Variants in PPAN observed in about 807,000 individuals in gnomAD.
PPAN encodes suppressor of SWI4 1 homolog.
Under a neutral mutation model 48.5 loss-of-function variants are expected in PPAN, and 39 were observed. The ratio of observed to expected loss-of-function variants is 0.80; its 90% confidence interval spans 0.62 to 1.05. The LOEUF (loss-of-function observed/expected upper bound fraction) is 1.05. Among genes scored for constraint, PPAN ranks in the 50% least tolerant of loss-of-function variants. PPAN has a pLI of 0.00. For missense variants in PPAN, 736 were observed against 661.7 expected (o/e 1.11, Z -1.23); for synonymous variants, 315 against 268.6 (o/e 1.17, Z -1.69).
rs1407169422 is a variant in PPAN, at chr19:10,110,931, G to C, written c.1202-14G>C. On this transcript the variant is annotated splice_polypyrimidine_tract_variant and intron_variant, in intron 11 of 11. Coordinates refer to ENST00000253107, the MANE Select transcript of PPAN (RefSeq NM_020230.7). This position sits in a 1 kb window ranked among gnomAD's most constrained non-coding sequence, Gnocchi z 5.9. ...CCTTGTCTCTGGGGGCCCTGACACT[G>C]TCTCTCCCCACAGACCTGTTCCCCG... 1.2e-6 allele frequency: 2 copies of C among 1,613,246 alleles called. No individual in the cohort carries two copies. Among genetic ancestry groups the C allele is most frequent in the Non-Finnish European group, 1.7e-6 (2 of 1,179,906 alleles).
chr19:10,110,844 G>A lies in PPAN; in HGVS notation c.1179G>A (p.Ala393=), dbSNP rs755317880. The change falls in exon 11 of 12, where the codon GCG becomes GCA. Residue 393 remains alanine, a synonymous_variant. Transcript: ENST00000253107. The surrounding 1 kb of genome is among the most constrained non-coding windows in gnomAD (Gnocchi z 5.9). ...ATGACATCGAGTATTTCTGCCAGGC[G>A]GTGGGCGAGGCGCCCAGTGAGGGTA... ...EDDDIEYFCQ[A]VGEAPSEDLF... The A allele has an allele frequency of 8.1e-6, 13 of 1,613,960 alleles. No individual in the cohort carries two copies. Among genetic ancestry groups the A allele is most frequent in the African/African-American group, 5.3e-5 (4 of 75,028 alleles).
Position 10,107,375 on chromosome 19 carries a change from C to T in PPAN, c.190-130C>T, listed in dbSNP as rs2088866238. On this transcript the variant is annotated intron_variant, in intron 2 of 11. Coordinates refer to ENST00000253107, the MANE Select transcript of PPAN (RefSeq NM_020230.7). Reference sequence around the variant, plus strand: ...CCGACTGACTCTAAAGGCTAAGATCCTTTTGCTCCTCTGGGCTTGTTGAAA... The same window carrying T: ...CCGACTGACTCTAAAGGCTAAGATCTTTTTGCTCCTCTGGGCTTGTTGAAA... 6.6e-6 allele frequency: 6 copies of T among 908,064 alleles called. No homozygotes were observed. In the Admixed American group the frequency reaches 1.6e-4, roughly 25 times the overall value. 56.3% of individuals were successfully genotyped at this position (908,064 alleles called of 1,614,324 possible). A position where few individuals can be genotyped will look rare whatever the true frequency, so the allele number is the denominator to read the frequency against.
chr19:10,107,950 C>G lies in PPAN; in HGVS notation c.343-14C>G. ...GTGGTTGGTGGTCACCCCCTCCTCT[C>G]TCCTGTCCTACAGTACTCGCTGGTG... On this transcript the variant is annotated splice_polypyrimidine_tract_variant and intron_variant, in intron 4 of 11. Coordinates refer to ENST00000253107, the MANE Select transcript of PPAN (RefSeq NM_020230.7). 6.2e-7 allele frequency: 1 copy of G among 1,600,964 alleles called. No individual in the cohort carries two copies. Among genetic ancestry groups the G allele is most frequent in the Non-Finnish European group, 8.5e-7 (1 of 1,170,494 alleles).
At position 10,107,966 on chromosome 19, in the gene PPAN, C is replaced by A; in HGVS notation, c.345C>A (p.Tyr115Ter). The stretch of plus-strand genomic sequence containing the variant: ...CCCTCCTCTCTCCTGTCCTACAGTA[C>A]TCGCTGGTGCGTGATGTGGTCTCCT... ...GPTLTFQVKK[Y>*]SLVRDVVSSL... Residue 115 changes from tyrosine (Y) to a stop codon, truncating the protein, a stop_gained and splice_region_variant, in exon 5 of 12, where the codon TAC (tyrosine) becomes TAA (stop). Coordinates refer to ENST00000253107, the MANE Select transcript of PPAN (RefSeq NM_020230.7). LOFTEE classifies it high-confidence loss of function. 1 of 1,607,372 alleles carries A rather than the reference C, an allele frequency of 6.2e-7. No homozygotes were observed. Among genetic ancestry groups the A allele is most frequent in the South Asian group, 1.1e-5 (1 of 90,100 alleles).
Position 10,111,636 on chromosome 19 carries a change from G to A in PPAN, c.*471G>A. 1 of 1,553,148 alleles carries A rather than the reference G, an allele frequency of 6.4e-7. No homozygotes were observed. Among genetic ancestry groups the A allele is most frequent in the South Asian group, 1.1e-5 (1 of 89,536 alleles). ...TGGGCCAGTAACTGGGGATGGGGCTGGGGCAGGGCCCACTAAGCCACTGGT... is the reference window on the plus strand; with the variant it reads ...TGGGCCAGTAACTGGGGATGGGGCTAGGGCAGGGCCCACTAAGCCACTGGT... On this transcript the variant is annotated 3_prime_UTR_variant, in exon 12 of 12. Coordinates refer to ENST00000253107, the MANE Select transcript of PPAN (RefSeq NM_020230.7).
At chr19:10,109,764 C>A in intron 6 of PPAN, 57 bp downstream of exon 6, 3 of 1,593,332 alleles carry the variant, frequency 1.9e-6, no homozygotes, top group Non-Finnish European at 1.7e-6. Context: ...CCTCCACATG[C>A]GGCTGATGAC....
Position 10,107,867 on chromosome 19 carries a change from G to A in PPAN, c.342+13G>A. 6.2e-7 allele frequency: 1 copy of A among 1,612,706 alleles called. No individual in the cohort carries two copies. ...CCAGGTCAAGAAGGTGAGAGGGGTGGAGGTGGTACAAAGCCATGTGGGGTG... is the reference window on the plus strand; with the variant it reads ...CCAGGTCAAGAAGGTGAGAGGGGTGAAGGTGGTACAAAGCCATGTGGGGTG... On this transcript the variant is annotated intron_variant, in intron 4 of 11. Transcript: ENST00000253107.
At position 10,111,078 on chromosome 19, in the gene PPAN, A is replaced by T; in HGVS notation, c.1335A>T (p.Gly445=). 1 of 1,613,234 alleles carries T rather than the reference A, an allele frequency of 6.2e-7. No individual in the cohort carries two copies. The highest frequency in any genetic ancestry group is 8.5e-7 in the Non-Finnish European group (1 of 1,179,840). Residue 445 remains glycine (G), a synonymous_variant, in exon 12 of 12, where the codon GGA becomes GGT. Coordinates refer to ENST00000253107, the MANE Select transcript of PPAN (RefSeq NM_020230.7). ...KFPKTKDKSQ[G]AQARRGPRGA... is the part of the protein sequence containing the mutation. Reference sequence around the variant, plus strand: ...CCAAGACCAAGGACAAGTCCCAGGGAGCCCAGGCCAGGCGGGGGCCCAGAG... The same window carrying T: ...CCAAGACCAAGGACAAGTCCCAGGGTGCCCAGGCCAGGCGGGGGCCCAGAG...
In PPAN at chr19:10,111,518, C is replaced by G; in HGVS notation, c.*353C>G. 1.5e-6 allele frequency: 1 copy of G among 662,842 alleles called. No individual in the cohort carries two copies. Among genetic ancestry groups the G allele is most frequent in the Non-Finnish European group, 2.6e-6 (1 of 383,122 alleles). 41.1% of individuals were successfully genotyped at this position (662,842 alleles called of 1,614,324 possible). A position where few individuals can be genotyped will look rare whatever the true frequency, so the allele number is the denominator to read the frequency against. ...AAGAGCCGTGCAAGCAGACAGGTCA[C>G]ACTTTCAGCAGATGAGCTTGAACCT... On this transcript the variant is annotated 3_prime_UTR_variant, in exon 12 of 12. Coordinates refer to ENST00000253107, the MANE Select transcript of PPAN (RefSeq NM_020230.7).
chr19:10,110,713 G>T lies in PPAN; in HGVS notation c.1048G>T (p.Gly350Cys), dbSNP rs530611684. 1.2e-6 allele frequency: 2 copies of T among 1,613,870 alleles called. No homozygotes were observed. The highest frequency in any genetic ancestry group is 1.1e-5 in the South Asian group (1 of 91,074). Reference protein sequence around the residue: ...REAHRKKSLEGMKKARVGGSD... With the variant: ...REAHRKKSLECMKKARVGGSD... ...CTCCTCCAGAAAGAAGAGCCTGGAGGGCATGAAGAAGGCACGGGTCGGGGG... is the reference window on the plus strand; with the variant it reads ...CTCCTCCAGAAAGAAGAGCCTGGAGTGCATGAAGAAGGCACGGGTCGGGGG... The change falls in exon 11 of 12, where the codon GGC becomes TGC. Residue 350 changes from glycine (G) to cysteine (C), a missense_variant. Physicochemically the swap from Gly to Cys is radical, Grantham distance 159. Transcript: ENST00000253107. This position sits in a 1 kb window ranked among gnomAD's most constrained non-coding sequence, Gnocchi z 5.9.
chr19:10,106,527 C>G lies in PPAN; in HGVS notation c.45C>G (p.Ala15=). The change falls in exon 2 of 12, where the codon GCC becomes GCG. Residue 15 remains alanine, a synonymous_variant. Transcript: ENST00000253107. ...CCCGGCACCAGAAGCGCGCCCGCGC[C>G]CAGGCGCAGCTCCGCAACCTCGAGG... The part of the protein sequence containing the change: ...GRSRHQKRAR[A]QAQLRNLEAY... 6.4e-7 allele frequency: 1 copy of G among 1,553,566 alleles called. No individual in the cohort carries two copies. Among genetic ancestry groups the G allele is most frequent in the Non-Finnish European group, 8.7e-7 (1 of 1,148,610 alleles).
rs2088985019 is a variant in PPAN at position 10,109,900 on chromosome 19, CAT to C, written c.591-12_591-11del. ...CCTGACCACCCCCTTGCCGTCCACTCATGTTCCTGCAGTAGCATCAAAGTTGT... is the reference window on the plus strand; with the variant it reads ...CCTGACCACCCCCTTGCCGTCCACTCGTTCCTGCAGTAGCATCAAAGTTGT... On this transcript the variant is annotated splice_polypyrimidine_tract_variant and intron_variant, in intron 6 of 11. Coordinates refer to ENST00000253107, the MANE Select transcript of PPAN (RefSeq NM_020230.7). 1.2e-6 allele frequency: 2 copies of C among 1,613,660 alleles called. No individual in the cohort carries two copies. Among genetic ancestry groups the C allele is most frequent in the African/African-American group, 2.7e-5 (2 of 74,950 alleles).
At position 10,110,417 on chromosome 19, in the gene PPAN, G is replaced by A. The variant is rs374656690; in HGVS notation, c.901+15G>A. On this transcript the variant is annotated intron_variant, in intron 9 of 11. Transcript: ENST00000253107. This position sits in a 1 kb window ranked among gnomAD's most constrained non-coding sequence, Gnocchi z 5.9. ...CCACAGTTTTGGTGAGGCCGGGGCC[G>A]CCGGGGGTGGGGGGTCATGGGTGTG... 5.4e-5 allele frequency: 87 copies of A among 1,612,818 alleles called. No individual in the cohort carries two copies. Among genetic ancestry groups the A allele is most frequent in the African/African-American group, 8.0e-5 (6 of 74,780 alleles).
chr19:10,110,991 G>A lies in PPAN; in HGVS notation c.1248G>A (p.Gly416=), dbSNP rs927297540. The A allele has an allele frequency of 6.2e-7, 1 of 1,613,088 alleles. No individual in the cohort carries two copies. Among genetic ancestry groups the A allele is most frequent in the African/African-American group, 1.3e-5 (1 of 74,890 alleles). Residue 416 remains glycine, a synonymous_variant, in exon 12 of 12, where the codon GGG becomes GGA. Transcript: ENST00000253107. This position sits in a 1 kb window ranked among gnomAD's most constrained non-coding sequence, Gnocchi z 5.9. ...AKQKRLAKSP[G]RKRKRWEMDR... ...AGAAACGGCTTGCCAAGTCTCCAGG[G>A]CGGAAGCGGAAGCGGTGGGAAATGG...
rs763475010 is a variant in PPAN at position 10,110,835 on chromosome 19, C to G, written c.1170C>G (p.Phe390Leu). 2 of 1,613,962 alleles carry G rather than the reference C, an allele frequency of 1.2e-6. No homozygotes were observed. Among genetic ancestry groups the G allele is most frequent in the South Asian group, 1.1e-5 (1 of 91,072 alleles). Residue 390 changes from phenylalanine (F) to leucine (L), a missense_variant, in exon 11 of 12, where the codon TTC becomes TTG. Transcript: ENST00000253107. This position sits in a 1 kb window ranked among gnomAD's most constrained non-coding sequence, Gnocchi z 5.9. ...AGGAAGATGATGACATCGAGTATTT[C>G]TGCCAGGCGGTGGGCGAGGCGCCCA... ...DEQEDDDIEYFCQAVGEAPSE... is the reference protein window; with the variant it reads ...DEQEDDDIEYLCQAVGEAPSE...
Position 10,111,696 on chromosome 19 carries a change from C to A in PPAN, c.*531C>A. 1 of 1,613,684 alleles carries A rather than the reference C, an allele frequency of 6.2e-7. No homozygotes were observed. The highest frequency in any genetic ancestry group is 8.5e-7 in the Non-Finnish European group (1 of 1,179,878). On this transcript the variant is annotated 3_prime_UTR_variant, in exon 12 of 12. Coordinates refer to ENST00000253107, the MANE Select transcript of PPAN (RefSeq NM_020230.7). ...AGGGGCTGGGGAACTGGGTAGCAGACACAGGCTGAGGATCGGCACGGGAGC... is the reference window on the plus strand; with the variant it reads ...AGGGGCTGGGGAACTGGGTAGCAGAAACAGGCTGAGGATCGGCACGGGAGC...
Position 10,110,697 on chromosome 19 carries a change from A to C in PPAN, c.1032A>C (p.Arg344Ser), listed in dbSNP as rs762628747. ...TGTTGACCCCCACGCCCTCCTCCAG[A>C]AAGAAGAGCCTGGAGGGCATGAAGA... ...QRKQEQREAHRKKSLEGMKKA... is the reference protein window; with the variant it reads ...QRKQEQREAHSKKSLEGMKKA... Residue 344 changes from arginine (R) to serine (S), a missense_variant and splice_region_variant, in exon 11 of 12, where the codon AGA (arginine) becomes AGC (serine). By Grantham distance (110) the Arg-to-Ser change is moderately radical. Coordinates refer to ENST00000253107, the MANE Select transcript of PPAN (RefSeq NM_020230.7). The surrounding 1 kb of genome is among the most constrained non-coding windows in gnomAD (Gnocchi z 5.9). The C allele has an allele frequency of 1.2e-6, 2 of 1,613,358 alleles. No individual in the cohort carries two copies. The highest frequency in any genetic ancestry group is 1.7e-5 in the Admixed American group (1 of 59,964).
chr19:10,107,862 G>A lies in PPAN; in HGVS notation c.342+8G>A. The A allele has an allele frequency of 1.2e-6, 2 of 1,612,816 alleles. No homozygotes were observed. Among genetic ancestry groups the A allele is most frequent in the Admixed American group, 1.7e-5 (1 of 59,982 alleles). ...ACCTTCCAGGTCAAGAAGGTGAGAG[G>A]GGTGGAGGTGGTACAAAGCCATGTG... On this transcript the variant is annotated splice_region_variant and intron_variant, in intron 4 of 11. Coordinates refer to ENST00000253107, the MANE Select transcript of PPAN (RefSeq NM_020230.7).
chr19:10,109,556 G>A, intron 5 of PPAN, 75 bp from the exon 6 acceptor site: 3 of 1,477,064 alleles, frequency 2.0e-6, no homozygotes, highest in East Asian at 2.3e-5. Flanking sequence ...AACAGTGTGT[G>A]TATCCCCCAA....
Sources: allele counts gnomAD v4.1 joint callset, GRCh38; gene constraint gnomAD v4.1.1; non-coding constraint Gnocchi (gnomAD v3.1); transcripts MANE v1.5; gene names NCBI Gene and HGNC (gene_info 2026-07-23, HGNC 2026-07-21).